Variants in DCC observed in about 807,000 individuals in gnomAD.
DCC encodes netrin receptor DCC.
DCC carries 58 observed loss-of-function variants against 172.5 expected under a neutral mutation model. The ratio of observed to expected loss-of-function variants is 0.34; its 90% confidence interval spans 0.27 to 0.42. The LOEUF is 0.42. DCC is among the 10% of genes least tolerant of loss of function. The pLI, the probability that DCC is intolerant of heterozygous loss-of-function variation, is 1.00. For missense variants in DCC, 1,740 were observed against 1,791.0 expected (o/e 0.97, Z 0.51); for synonymous variants, 709 against 644.5 (o/e 1.10, Z -1.52).
intron 3 of DCC, among the ~76,000 whole-genome samples, chr18:52,923,173 C>T (rs1419661507): frequency 6.6e-6 from 1 of 152,092 alleles, no homozygotes; most frequent in Non-Finnish European, 1.5e-5. Context: ...TTATATAAAT[C>T]TGACTTCCTT....
intron 1 of DCC, among the ~76,000 whole-genome samples, chr18:52,650,449 G>A (rs372535137): frequency 5.1e-4 from 78 of 152,170 alleles, no homozygotes; most frequent in African/African-American, 1.8e-3. Flanking sequence ...TTCCATATAT[G>A]GAAAACAGTA....
intron 2 of DCC, among the ~76,000 whole-genome samples, chr18:52,793,591 G>A (rs1461158565): frequency 6.6e-6 from 1 of 152,104 alleles, no homozygotes; most frequent in African/African-American, 2.4e-5. Context: ...TCTGCATGTT[G>A]TGTCTTCACT....
intron 1 of DCC, among the ~76,000 whole-genome samples, chr18:52,567,225 A>G (rs1224514768): frequency 6.6e-6 from 1 of 152,194 alleles, no homozygotes; most frequent in Non-Finnish European, 1.5e-5. Flanking sequence ...AATATTTTAG[A>G]AACCAATTTG....
chr18:52,957,446 A>ACG (rs879426683), intron 5 of DCC, among the ~76,000 whole-genome samples: 2 of 152,180 alleles, frequency 1.3e-5, no homozygotes, highest in Non-Finnish European at 2.9e-5. Flanking sequence ...AGCAGAACAA[A>ACG]GGAACTAAAG....
intron 21 of DCC, among the ~76,000 whole-genome samples, chr18:53,431,736 G>A (rs1371856387): frequency 2.0e-5 from 3 of 151,856 alleles, no homozygotes; most frequent in East Asian, 1.9e-4. Flanking sequence ...CACCCTCCTC[G>A]GCCTCCCAAA....
At chr18:52,526,856 G>T (rs1211909439) in intron 1 of DCC, among the ~76,000 whole-genome samples, 8 of 152,156 alleles carry the variant, frequency 5.3e-5, no homozygotes, top group African/African-American at 1.9e-4. Flanking sequence ...CTGGAAGTAG[G>T]AATATAGTAA....
At chr18:52,357,464 C>T (rs1186343733) in intron 1 of DCC, among the ~76,000 whole-genome samples, 1 of 152,014 alleles carries the variant, frequency 6.6e-6, no homozygotes, top group Non-Finnish European at 1.5e-5. Flanking sequence ...TATTATAACC[C>T]AAACTATAAA....
chr18:53,350,794 TATTA>T (rs1191225137), intron 15 of DCC, among the ~76,000 whole-genome samples: 1 of 152,014 alleles, frequency 6.6e-6, no homozygotes, highest in African/African-American at 2.4e-5. Flanking sequence ...ATTTAATTAG[TATTA>T]ATTTAAAAAT....
chr18:52,901,385 G>C (rs1013010738), intron 2 of DCC, among the ~76,000 whole-genome samples: 2 of 152,078 alleles, frequency 1.3e-5, no homozygotes, highest in Non-Finnish European at 2.9e-5. Context: ...AGCTGAGATC[G>C]TGCCAACACA....
At chr18:53,472,672 T>A (rs2045712141) in intron 25 of DCC, among the ~76,000 whole-genome samples, 1 of 152,168 alleles carries the variant, frequency 6.6e-6, no homozygotes, top group Admixed American at 6.5e-5. Context: ...TTTTATGTCT[T>A]CTTTGTGACT....
chr18:52,958,624 A>G (rs1298449728), intron 5 of DCC, among the ~76,000 whole-genome samples: 2 of 151,954 alleles, frequency 1.3e-5, no homozygotes, highest in African/African-American at 2.4e-5. Flanking sequence ...AAATGGAGAC[A>G]CGGAAACACA....
intron 25 of DCC, among the ~76,000 whole-genome samples, chr18:53,486,266 A>C (rs575909699): frequency 5.7e-4 from 87 of 152,312 alleles, no homozygotes; most frequent in African/African-American, 2.0e-3. Context: ...TGGGTATTTG[A>C]AGATATTTTC....
chr18:52,459,224 G>A (rs1988552229), intron 1 of DCC, among the ~76,000 whole-genome samples: 1 of 151,482 alleles, frequency 6.6e-6, no homozygotes, highest in African/African-American at 2.4e-5. Context: ...TAGATTCAGG[G>A]GTACATGTGC....
intron 1 of DCC, among the ~76,000 whole-genome samples, chr18:52,507,440 C>T (rs1299791537): frequency 6.6e-6 from 1 of 152,108 alleles, no homozygotes; most frequent in Non-Finnish European, 1.5e-5. Flanking sequence ...ATATGTAAAT[C>T]ATAGATAAAA....
At chr18:52,346,227 C>T (rs2144231431) in intron 1 of DCC, among the ~76,000 whole-genome samples, 1 of 152,206 alleles carries the variant, frequency 6.6e-6, no homozygotes, top group South Asian at 2.1e-4. Context: ...GTTGCATATG[C>T]CAAATAGGTA....
chr18:52,393,774 G>A (rs1235439289), intron 1 of DCC, among the ~76,000 whole-genome samples: 4 of 152,150 alleles, frequency 2.6e-5, no homozygotes, highest in East Asian at 3.9e-4. Context: ...TTAAAATCGC[G>A]TGTGAGAGTT....
chr18:53,200,225 T>G (rs774773230), intron 9 of DCC, among the ~76,000 whole-genome samples: 20 of 152,144 alleles, frequency 1.3e-4, no homozygotes, highest in Non-Finnish European at 2.5e-4. Context: ...AATTATCAGA[T>G]GGGGAAAAGT....
chr18:53,249,019 C>T (rs147385716), intron 12 of DCC, among the ~76,000 whole-genome samples: 43 of 152,096 alleles, frequency 2.8e-4, no homozygotes, highest in African/African-American at 9.9e-4. Context: ...TTCTGTTTGG[C>T]ACCTTCTAGA....
At chr18:53,158,909 C>A (rs1486781868) in intron 8 of DCC, among the ~76,000 whole-genome samples, 2 of 147,634 alleles carry the variant, frequency 1.4e-5, no homozygotes, top group African/African-American at 5.0e-5. Context: ...AGGAGAATTG[C>A]TTGATCACGG....
Sources: allele counts gnomAD v4.1 joint callset (sites outside exome capture counted in the v4.1 genomes callset), GRCh38; gene constraint gnomAD v4.1.1; transcripts MANE v1.5; gene names NCBI Gene and HGNC (gene_info 2026-07-23, HGNC 2026-07-21).